Variants in SLCO1A2 observed in about 807,000 individuals in gnomAD.
SLCO1A2 encodes the protein solute carrier organic anion transporter family member 1A2.
Under a neutral mutation model 69.0 loss-of-function variants are expected in SLCO1A2, and 67 were observed. The ratio of observed to expected loss-of-function variants is 0.97; its 90% CI spans 0.80 to 1.19. The LOEUF (loss-of-function observed/expected upper bound fraction) is 1.19. SLCO1A2 is among the 50% of genes most tolerant of loss of function. SLCO1A2 has a pLI of 0.00. For missense variants in SLCO1A2, 787 were observed against 793.7 expected (o/e 0.99, Z 0.10); for synonymous variants, 260 against 265.9 (o/e 0.98, Z 0.22).
chr12:21,314,002 AAAAG>A (rs1184560533), intron 4 of SLCO1A2, among the ~76,000 whole-genome samples: 4 of 151,548 alleles, frequency 2.6e-5, no homozygotes, highest in Non-Finnish European at 4.4e-5. Context: ...AAACAGAAAA[AAAAG>A]AAAGAAATTG....
chr12:21,356,851 C>G (rs1938405845), intron 2 of SLCO1A2, among the ~76,000 whole-genome samples: 1 of 152,036 alleles, frequency 6.6e-6, no homozygotes, highest in Admixed American at 6.6e-5. Context: ...GTATGGAGAT[C>G]TATAGAGTAG....
At chr12:21,326,280 T>C (rs917995823) in intron 2 of SLCO1A2, among the ~76,000 whole-genome samples, 2 of 152,200 alleles carry the variant, frequency 1.3e-5, no homozygotes, top group Non-Finnish European at 2.9e-5. Context: ...CAGGTATTTT[T>C]TCACAGCAGT....
chr12:21,269,028 G>C lies in SLCO1A2; in HGVS notation c.*520C>G, dbSNP rs2136026520. 6.6e-6 allele frequency: 1 copy of C among 152,388 alleles called. No homozygotes were observed. The highest frequency in any genetic ancestry group is 1.9e-4 in the East Asian group (1 of 5,190). The allele number at this position is 152,388 out of a possible 1,614,324, so 9.4% of individuals were successfully genotyped here. On this transcript the variant is annotated 3_prime_UTR_variant, in exon 15 of 15. Coordinates refer to ENST00000683939, the MANE Select transcript of SLCO1A2 (RefSeq NM_001386879.1). ...GAGTAATCTATTATATAGGAGTCAT[G>C]CCTAGAATGAATAAGAAGAGTTAAA... is the stretch of plus-strand genomic sequence containing the variant.
chr12:21,304,982 C>A lies in SLCO1A2; in HGVS notation c.443-409G>T, dbSNP rs74359664. Among the ~76,000 whole-genome samples the A allele has an allele frequency of 9.0e-4, 137 of 152,310 alleles. 1 individual carries two copies. Among genetic ancestry groups the A allele is most frequent in the African/African-American group, 3.2e-3 (131 of 41,560 alleles). ...CAAGTGCTTCCCCATTCCTACCCAA[C>A]TTTGGGGAGACAAAAATATATTTCT... is the stretch of plus-strand genomic sequence containing the variant. On this transcript the variant is annotated intron_variant, in intron 5 of 14. Coordinates refer to ENST00000683939, the MANE Select transcript of SLCO1A2 (RefSeq NM_001386879.1).
intron 12 of SLCO1A2, among the ~76,000 whole-genome samples, chr12:21,278,544 T>A (rs1381403228): frequency 6.6e-6 from 1 of 152,120 alleles, no homozygotes; most frequent in Non-Finnish European, 1.5e-5. Flanking sequence ...ACAGAGAGAC[T>A]CCACTTGTTT....
upstream of SLCO1A2, among the ~76,000 whole-genome samples, chr12:21,396,523 G>A (rs558697016): frequency 3.3e-3 from 491 of 149,456 alleles, 2 homozygotes; most frequent in African/African-American, 0.011. Context: ...TACAGAGAAC[G>A]CCACAAAGAT....
intron 2 of SLCO1A2, among the ~76,000 whole-genome samples, chr12:21,329,527 T>A (rs894539422): frequency 4.0e-5 from 6 of 151,770 alleles, no homozygotes; most frequent in Non-Finnish European, 8.8e-5. Context: ...TTAGTTTGCA[T>A]CTCCTTATGC....
chr12:21,387,119 G>A (rs914956563), intron 1 of SLCO1A2, among the ~76,000 whole-genome samples: 9 of 152,144 alleles, frequency 5.9e-5, no homozygotes, highest in Middle Eastern at 3.2e-3. Flanking sequence ...ATGATTTAGG[G>A]TTTCTGGTGG....
At chr12:21,288,261 A>G (rs1946277772) in intron 12 of SLCO1A2, among the ~76,000 whole-genome samples, 2 of 152,012 alleles carry the variant, frequency 1.3e-5, no homozygotes, top group African/African-American at 4.8e-5. Context: ...GGCCAACATA[A>G]TAAAACACTG....
intron 2 of SLCO1A2, among the ~76,000 whole-genome samples, chr12:21,350,493 C>A (rs1937849839): frequency 6.6e-6 from 1 of 152,008 alleles, no homozygotes. Flanking sequence ...CAAAAATGAT[C>A]TGAATGGCAC....
chr12:21,331,813 A>G (rs1340162699), intron 2 of SLCO1A2, among the ~76,000 whole-genome samples: 1 of 152,160 alleles, frequency 6.6e-6, no homozygotes, highest in African/African-American at 2.4e-5. Flanking sequence ...TCTTTGTTGG[A>G]CACAAGTAAA....
intron 12 of SLCO1A2, among the ~76,000 whole-genome samples, chr12:21,279,165 A>G (rs1431310170): frequency 6.6e-6 from 1 of 152,064 alleles, no homozygotes; most frequent in Non-Finnish European, 1.5e-5. Context: ...TAAGGGATAC[A>G]AAAGAAAAAA....
chr12:21,306,773 T>C (rs568181419), intron 5 of SLCO1A2, 109 bp downstream of exon 5: 9 of 649,860 alleles, frequency 1.4e-5, no homozygotes, highest in South Asian at 1.1e-4. Flanking sequence ...AGAGAGAACA[T>C]ATCTTTGTTT....
chr12:21,312,189 T>C lies in SLCO1A2; in HGVS notation c.335+2360A>G, dbSNP rs537773090. ...ACTTAGCTAGATCTTCTGGATAACT[T>C]GCTGCAGCTTCTCCATCAGCACTTG... On this transcript the variant is annotated intron_variant, in intron 4 of 14. Coordinates refer to ENST00000683939, the MANE Select transcript of SLCO1A2 (RefSeq NM_001386879.1). Among the ~76,000 whole-genome samples the C allele has an allele frequency of 3.9e-5, 6 of 152,352 alleles. No homozygotes were observed. The East Asian group carries it at 1.2e-3, about 29-fold the overall frequency.
chr12:21,394,258 G>A (rs532574706), intron 1 of SLCO1A2, among the ~76,000 whole-genome samples: 1 of 152,220 alleles, frequency 6.6e-6, no homozygotes, highest in Admixed American at 6.5e-5. Context: ...GAAATGTTGG[G>A]TCAGTGCAGT....
At chr12:21,332,846 T>G (rs1952697839) in intron 2 of SLCO1A2, among the ~76,000 whole-genome samples, 1 of 152,064 alleles carries the variant, frequency 6.6e-6, no homozygotes, top group Non-Finnish European at 1.5e-5. Context: ...AATTAGGATT[T>G]CAACATGGGA....
In SLCO1A2 at chr12:21,274,515, A is replaced by G. The variant is rs2136092738; in HGVS notation, c.1747T>C (p.Cys583Arg). 1 of 1,613,806 alleles carries G rather than the reference A, an allele frequency of 6.2e-7. No individual in the cohort carries two copies. The highest frequency in any genetic ancestry group is 2.2e-5 in the East Asian group (1 of 44,826). The change falls in exon 14 of 15, where the codon TGT becomes CGT. Residue 583 changes from cysteine (C) to arginine (R), a missense_variant. Coordinates refer to ENST00000683939, the MANE Select transcript of SLCO1A2 (RefSeq NM_001386879.1). ...STCLHWGTLK[C>R]GESGACRIYD... Reference sequence around the variant, plus strand: ...ATCCTGCATGCCCCTGACTCACCACATTTCAAAGTTCCCCAGTGTAAACAT... The same window carrying G: ...ATCCTGCATGCCCCTGACTCACCACGTTTCAAAGTTCCCCAGTGTAAACAT...
chr12:21,300,674 AT>A, intron 7 of SLCO1A2, 105 bp from the exon 8 acceptor site: 2 of 909,602 alleles, frequency 2.2e-6, no homozygotes, highest in Non-Finnish European at 3.2e-6. Context: ...CAACTATAAA[AT>A]TGGCTTATAA....
chr12:21,364,050 G>T (rs1299340844), intron 2 of SLCO1A2, among the ~76,000 whole-genome samples: 1 of 152,162 alleles, frequency 6.6e-6, no homozygotes, highest in Non-Finnish European at 1.5e-5. Flanking sequence ...CATTTTATGA[G>T]GCCAGCATCA....
Sources: allele counts gnomAD v4.1 joint callset (sites outside exome capture counted in the v4.1 genomes callset), GRCh38; gene constraint gnomAD v4.1.1; transcripts MANE v1.5; gene names NCBI Gene and HGNC (gene_info 2026-07-23, HGNC 2026-07-21).